The following WIPF1 variants were observed in gnomAD, a reference collection of about 807,000 sequenced individuals.
The protein encoded by WIPF1 is WAS/WASL interacting protein family member 1, also known as WAS/WASL-interacting protein family member 1.
Under a neutral mutation model 35.4 loss-of-function variants are expected in WIPF1, and 13 were observed. The observed-to-expected ratio is 0.37, with a 90% confidence interval of 0.24 to 0.58. The LOEUF (loss-of-function observed/expected upper bound fraction) is 0.58, where lower values mean the gene tolerates loss of function less well. Among genes scored for constraint, WIPF1 ranks in the 20% least tolerant of loss-of-function variants. The pLI is 0.74. For synonymous variants in WIPF1, 267 were observed against 266.3 expected (o/e 1.00, Z -0.02); for missense variants, 591 against 667.0 (o/e 0.89, Z 1.25).
chr2:174,611,294 T>C (rs1686336256), intron 1 of WIPF1, among the ~76,000 whole-genome samples: 2 of 152,012 alleles, frequency 1.3e-5, no homozygotes, highest in South Asian at 4.2e-4. Flanking sequence ...CCAGGCAAAC[T>C]AGGATGCAAA....
chr2:174,566,954 G>T, intron 7 of WIPF1, 116 bp downstream of exon 7: 2 of 874,624 alleles, frequency 2.3e-6, no homozygotes, highest in Non-Finnish European at 3.6e-6. Flanking sequence ...AATGTAGATG[G>T]CTCCAAAGGG....
chr2:174,625,369 A>C (rs1467499771), intron 1 of WIPF1, among the ~76,000 whole-genome samples: 1 of 152,208 alleles, frequency 6.6e-6, no homozygotes, highest in East Asian at 1.9e-4. Context: ...AAAGGAGATC[A>C]TTCTGCATGA....
intron 1 of WIPF1, among the ~76,000 whole-genome samples, chr2:174,676,832 A>G (rs1464396141): frequency 3.3e-5 from 5 of 152,206 alleles, no homozygotes; most frequent in Admixed American, 3.3e-4. Context: ...TTTAATTTGG[A>G]ACACATAAAA....
intron 1 of WIPF1, among the ~76,000 whole-genome samples, chr2:174,654,234 C>A (rs973714983): frequency 6.6e-6 from 1 of 152,184 alleles, no homozygotes; most frequent in Admixed American, 6.5e-5. Flanking sequence ...TCTCTCCATT[C>A]TCTGAGGCTA....
At chr2:174,613,122 G>A (rs1207129474) in intron 1 of WIPF1, among the ~76,000 whole-genome samples, 1 of 125,416 alleles carries the variant, frequency 8.0e-6, no homozygotes, top group Non-Finnish European at 1.7e-5. Context: ...GGAATGCCTT[G>A]GTTTATGTTA....
rs764807602 is a variant in WIPF1, at chr2:174,571,821, A to G, written c.984T>C (p.Asn328=). The change falls in exon 5 of 8, where the codon AAT becomes AAC. Residue 328 remains asparagine, a synonymous_variant. Coordinates refer to ENST00000679041, the MANE Select transcript of WIPF1 (RefSeq NM_001375834.1). This position sits in a 1 kb window ranked among gnomAD's most constrained non-coding sequence, Gnocchi z 4.6. ...PPPLPPSSSG[N]DETPRLPQRN... is the part of the protein sequence containing the mutation. Reference sequence around the variant, plus strand: ...GCTGTGGGAGTCTTGGGGTTTCGTCATTGCCGCTGGAACTTGGAGGCAGAG... The same window carrying G: ...GCTGTGGGAGTCTTGGGGTTTCGTCGTTGCCGCTGGAACTTGGAGGCAGAG... 4 of 1,614,048 alleles carry G rather than the reference A, an allele frequency of 2.5e-6. No individual in the cohort carries two copies. The highest frequency in any genetic ancestry group is 3.4e-6 in the Non-Finnish European group (4 of 1,180,020).
Position 174,571,578 on chromosome 2 carries a change from T to C in WIPF1, c.1129+98A>G, listed in dbSNP as rs1453983614. 6.5e-7 allele frequency: 1 copy of C among 1,540,334 alleles called. No individual in the cohort carries two copies. Among genetic ancestry groups the C allele is most frequent in the Non-Finnish European group, 9.0e-7 (1 of 1,113,572 alleles). On this transcript the variant is annotated intron_variant, in intron 5 of 7. Coordinates refer to ENST00000679041, the MANE Select transcript of WIPF1 (RefSeq NM_001375834.1). This position sits in a 1 kb window ranked among gnomAD's most constrained non-coding sequence, Gnocchi z 4.6. ...AAAGCACAAAGCAGTCTGAGTTTAC[T>C]TATGCCTGCTTTTGTTAGACTATCT...
chr2:174,650,560 T>C (rs966621098), intron 1 of WIPF1, among the ~76,000 whole-genome samples: 2 of 152,226 alleles, frequency 1.3e-5, no homozygotes, highest in Non-Finnish European at 2.9e-5. Context: ...CTACTTTCAC[T>C]GAATCTTAAG....
intron 1 of WIPF1, among the ~76,000 whole-genome samples, chr2:174,639,443 G>A (rs971390555): frequency 5.9e-5 from 9 of 152,028 alleles, no homozygotes; most frequent in Non-Finnish European, 1.2e-4. Flanking sequence ...TTGTAGAGAC[G>A]GAGTCTCACT....
intron 1 of WIPF1, among the ~76,000 whole-genome samples, chr2:174,596,162 G>A (rs1004026067): frequency 1.3e-5 from 2 of 152,178 alleles, no homozygotes; most frequent in African/African-American, 4.8e-5. Context: ...TCCACCCAGA[G>A]TATGTGTAAC....
intron 1 of WIPF1, among the ~76,000 whole-genome samples, chr2:174,637,460 T>G (rs1687207591): frequency 6.6e-6 from 1 of 152,248 alleles, no homozygotes; most frequent in African/African-American, 2.4e-5. Flanking sequence ...TTAATTACAT[T>G]CATAAAATTA....
In WIPF1 at chr2:174,617,015, A is replaced by T. The variant is rs181990698; in HGVS notation, c.-38-31404T>A. On this transcript the variant is annotated intron_variant, in intron 1 of 8. Transcript: ENST00000272746. ...ATAGGAAGACAGGAAACAGTGATAAACCTTTAATATCTGAAACTTGTGTCA... is the reference window on the plus strand; with the variant it reads ...ATAGGAAGACAGGAAACAGTGATAATCCTTTAATATCTGAAACTTGTGTCA... 1.2e-4 allele frequency among the ~76,000 whole-genome samples: 19 copies of T among 152,186 alleles called. No individual in the cohort carries two copies. The East Asian group carries it at 3.7e-3, about 29-fold the overall frequency.
intron 1 of WIPF1, among the ~76,000 whole-genome samples, chr2:174,635,664 A>C (rs1687168415): frequency 6.6e-6 from 1 of 151,726 alleles, no homozygotes; most frequent in Admixed American, 6.6e-5. Flanking sequence ...AATATTCCAC[A>C]ATTTATAAGA....
chr2:174,567,279 A>C, intron 6 of WIPF1, 96 bp from the exon 7 acceptor site: 1 of 1,144,312 alleles, frequency 8.7e-7, no homozygotes, highest in Non-Finnish European at 1.3e-6. Flanking sequence ...AGAGAACCAC[A>C]GACATCAGTG....
intron 1 of WIPF1, among the ~76,000 whole-genome samples, chr2:174,626,829 T>C (rs1574845541): frequency 6.6e-6 from 1 of 152,218 alleles, no homozygotes; most frequent in Non-Finnish European, 1.5e-5. Context: ...TCTTCCACTC[T>C]TGTGCTCCCA....
chr2:174,678,431 C>T (rs1559180727), intron 1 of WIPF1, among the ~76,000 whole-genome samples: 1 of 152,188 alleles, frequency 6.6e-6, no homozygotes, highest in Non-Finnish European at 1.5e-5. Flanking sequence ...GACTTCTCAA[C>T]AAATATTTGT....
chr2:174,652,796 A>C (rs1346442155), intron 1 of WIPF1, among the ~76,000 whole-genome samples: 2 of 151,908 alleles, frequency 1.3e-5, no homozygotes, highest in East Asian at 1.9e-4. Flanking sequence ...CCATTTAAAA[A>C]AAAAAAAAAA....
At chr2:174,641,438 G>A (rs1283466039) in intron 1 of WIPF1, among the ~76,000 whole-genome samples, 1 of 152,164 alleles carries the variant, frequency 6.6e-6, no homozygotes, top group Admixed American at 6.5e-5. Flanking sequence ...AGATAAATAA[G>A]TGCACAGTGG....
intron 1 of WIPF1, among the ~76,000 whole-genome samples, chr2:174,631,251 T>C (rs1160948314): frequency 1.3e-5 from 2 of 151,960 alleles, no homozygotes; most frequent in Non-Finnish European, 2.9e-5. Flanking sequence ...ATAAAGAAAA[T>C]GTGATATATA....
Sources: allele counts gnomAD v4.1 joint callset (sites outside exome capture counted in the v4.1 genomes callset), GRCh38; gene constraint gnomAD v4.1.1; non-coding constraint Gnocchi (gnomAD v3.1); transcripts MANE v1.5; gene names NCBI Gene and HGNC (gene_info 2026-07-23, HGNC 2026-07-21).